The following SBF2 variants were observed in gnomAD, a reference collection of about 807,000 sequenced individuals.
SBF2 encodes SET binding factor 2.
Under a neutral mutation model 225.2 loss-of-function variants are expected in SBF2, and 112 were observed. The observed-to-expected ratio is 0.50, with a 90% confidence interval of 0.43 to 0.58. The LOEUF is 0.58. SBF2 is among the 20% of genes least tolerant of loss of function. The pLI, the probability that SBF2 is intolerant of heterozygous loss-of-function variation, is 0.00. For missense variants in SBF2, 1,996 were observed against 2,206.2 expected (o/e 0.90, Z 1.91); for synonymous variants, 763 against 773.3 (o/e 0.99, Z 0.22).
intron 2 of SBF2, among the ~76,000 whole-genome samples, chr11:10,070,513 T>C (rs893441509): frequency 2.0e-5 from 3 of 152,284 alleles, no homozygotes; most frequent in Admixed American, 6.5e-5. Flanking sequence ...GTTCCATTGG[T>C]GTATATATGT....
chr11:10,284,615 C>T (rs1963624486), intron 1 of SBF2, among the ~76,000 whole-genome samples: 1 of 151,964 alleles, frequency 6.6e-6, no homozygotes, highest in African/African-American at 2.4e-5. Context: ...GAGACGGGAT[C>T]TTGTTCCATT....
intron 1 of SBF2, among the ~76,000 whole-genome samples, chr11:10,223,789 T>TA (rs1322812865): frequency 6.6e-6 from 1 of 152,016 alleles, no homozygotes; most frequent in Non-Finnish European, 1.5e-5. Context: ...GTATCCAACT[T>TA]ACTGGAGAGA....
intron 26 of SBF2, among the ~76,000 whole-genome samples, chr11:9,836,496 A>G (rs886479259): frequency 6.6e-6 from 1 of 152,130 alleles, no homozygotes; most frequent in Non-Finnish European, 1.5e-5. Flanking sequence ...TGTCAGTCCT[A>G]TACTGTCTTA....
intron 2 of SBF2, among the ~76,000 whole-genome samples, chr11:10,171,029 T>C (rs1381160113): frequency 6.6e-6 from 1 of 152,108 alleles, no homozygotes; most frequent in East Asian, 1.9e-4. Flanking sequence ...TCAGTTTTAA[T>C]AGTTTTTTGG....
At chr11:10,266,644 TAC>T (rs1962019377) in intron 1 of SBF2, among the ~76,000 whole-genome samples, 1 of 152,254 alleles carries the variant, frequency 6.6e-6, no homozygotes, top group South Asian at 2.1e-4. Context: ...AAGAGATGTC[TAC>T]ACTTGATTAG....
chr11:10,025,905 G>A (rs1015576491), intron 6 of SBF2, among the ~76,000 whole-genome samples: 1 of 151,986 alleles, frequency 6.6e-6, no homozygotes, highest in Non-Finnish European at 1.5e-5. Context: ...CTGGTCTAGC[G>A]GATGTTCTTT....
intron 2 of SBF2, among the ~76,000 whole-genome samples, chr11:10,151,928 T>C (rs1955216978): frequency 6.6e-6 from 1 of 152,224 alleles, no homozygotes; most frequent in African/African-American, 2.4e-5. Flanking sequence ...CAGGAACACA[T>C]ACTTTTATAG....
At chr11:10,139,265 T>C (rs976123977) in intron 2 of SBF2, among the ~76,000 whole-genome samples, 10 of 152,206 alleles carry the variant, frequency 6.6e-5, no homozygotes, top group African/African-American at 2.2e-4. Flanking sequence ...CAAAGGATTG[T>C]GGTTGGTCCA....
intron 2 of SBF2, among the ~76,000 whole-genome samples, chr11:10,131,493 C>T (rs968264524): frequency 3.9e-5 from 6 of 152,104 alleles, no homozygotes; most frequent in South Asian, 2.1e-4. Context: ...GAGTGCAATG[C>T]TGTGACCTTG....
chr11:10,261,330 G>A (rs1961410759), intron 1 of SBF2, among the ~76,000 whole-genome samples: 1 of 152,142 alleles, frequency 6.6e-6, no homozygotes, highest in Admixed American at 6.6e-5. Flanking sequence ...AACTTACCGG[G>A]TAGTGGGGAC....
chr11:10,160,619 G>C (rs1955687696), intron 2 of SBF2, among the ~76,000 whole-genome samples: 1 of 152,100 alleles, frequency 6.6e-6, no homozygotes, highest in Admixed American at 6.5e-5. Context: ...TCTGTATTTT[G>C]GAGATTGTCC....
chr11:9,782,124 G>T (rs1852047353), intron 38 of SBF2, among the ~76,000 whole-genome samples: 1 of 151,588 alleles, frequency 6.6e-6, no homozygotes, highest in African/African-American at 2.4e-5. Flanking sequence ...AGGTCGAGCT[G>T]CAGTGAGCTG....
intron 3 of SBF2, among the ~76,000 whole-genome samples, chr11:10,035,902 C>T (rs914968287): frequency 1.3e-5 from 2 of 152,196 alleles, no homozygotes; most frequent in Admixed American, 6.5e-5. Context: ...CCAGCCACCA[C>T]ATTACTGGGT....
chr11:10,051,393 C>A (rs1190078011), intron 2 of SBF2, among the ~76,000 whole-genome samples: 2 of 152,022 alleles, frequency 1.3e-5, no homozygotes, highest in Non-Finnish European at 2.9e-5. Context: ...AAGAATAATT[C>A]TGTGATTAAA....
chr11:9,901,357 A>T (rs1352166330), intron 16 of SBF2, among the ~76,000 whole-genome samples: 1 of 152,332 alleles, frequency 6.6e-6, no homozygotes, highest in East Asian at 1.9e-4. Flanking sequence ...GAAGTCCATT[A>T]GAAGAATATA....
chr11:10,246,344 C>T (rs61889798), intron 1 of SBF2, among the ~76,000 whole-genome samples: 41,413 of 152,112 alleles, frequency 0.27, 6,410 homozygotes, highest in Non-Finnish European at 0.35. Context: ...AGTGCAATGG[C>T]GCAATTTCGG....
intron 13 of SBF2, among the ~76,000 whole-genome samples, chr11:9,973,422 G>A (rs890418410): frequency 1.3e-5 from 2 of 152,168 alleles, no homozygotes. Flanking sequence ...ACAAGGGCTA[G>A]ACAACTAAAC....
At chr11:10,235,982 A>T (rs1287712917) in intron 1 of SBF2, among the ~76,000 whole-genome samples, 3 of 152,120 alleles carry the variant, frequency 2.0e-5, no homozygotes, top group African/African-American at 7.2e-5. Flanking sequence ...GAGATAGGAC[A>T]ATCATTTGAG....
Position 9,785,156 on chromosome 11 carries a change from T to C in SBF2, c.5200A>G (p.Ser1734Gly). 2 of 1,613,506 alleles carry C rather than the reference T, an allele frequency of 1.2e-6. No homozygotes were observed. The highest frequency in any genetic ancestry group is 2.2e-5 in the East Asian group (1 of 44,890). ...TCATCATTCTTGGATGTATACTGGC[T>C]ATAGAGCGTGGCTGCTCTTCGCTCC... ...GVERRAATLY[S>G]QYTSKNDENR... The change falls in exon 37 of 40, where the codon AGC becomes GGC. Residue 1734 changes from serine (S) to glycine (G), a missense_variant. Physicochemically the swap from Ser to Gly is moderately conservative, Grantham distance 56. Coordinates refer to ENST00000256190, the MANE Select transcript of SBF2 (RefSeq NM_030962.4).
Sources: gnomAD v4.1 joint callset for allele counts (sites outside exome capture counted in the v4.1 genomes callset) on GRCh38, gnomAD v4.1.1 for gene constraint, MANE v1.5 for transcripts, NCBI Gene and HGNC (gene_info 2026-07-23, HGNC 2026-07-21) for gene names.